MYO1D: variants seen among roughly 807,000 people sequenced by gnomAD.
MYO1D encodes unconventional myosin-Id.
In MYO1D, 83 loss-of-function variants were observed where a neutral mutation model predicts 122.0. The ratio of observed to expected loss-of-function variants is 0.68; its 90% CI spans 0.57 to 0.82. The LOEUF is 0.82. MYO1D is among the 40% of genes least tolerant of loss of function. MYO1D has a pLI of 0.00. For synonymous variants in MYO1D, 464 were observed against 446.9 expected, an observed-to-expected ratio of 1.04 and a Z score of -0.48; for missense variants, 1,157 against 1,269.5, an observed-to-expected ratio of 0.91 and a Z score of 1.35.
intron 19 of MYO1D, among the ~76,000 whole-genome samples, chr17:32,643,779 T>C (rs2088242501): frequency 6.6e-6 from 1 of 151,264 alleles, no homozygotes; most frequent in Admixed American, 6.6e-5. Context: ...CCCTTTATCA[T>C]TTTTTATTGT....
intron 1 of MYO1D, among the ~76,000 whole-genome samples, chr17:32,844,071 T>G (rs2151076182): frequency 6.6e-6 from 1 of 150,730 alleles, no homozygotes; most frequent in South Asian, 2.1e-4. Flanking sequence ...AATGATAACC[T>G]TATTAACAAA....
chr17:32,681,555 A>C lies in MYO1D; in HGVS notation c.2122-22217T>G, dbSNP rs2088917679. Among the ~76,000 whole-genome samples, 4 of 151,216 alleles carry C rather than the reference A, an allele frequency of 2.6e-5. No homozygotes were observed. The South Asian group carries it at 8.5e-4, about 32-fold the overall frequency. On this transcript the variant is annotated intron_variant, in intron 16 of 21. Coordinates refer to ENST00000318217, the MANE Select transcript of MYO1D (RefSeq NM_015194.3). ...AGGTTGTTCAGTTTCCATGTAGTTG[A>C]GCGGCTTTGAGTGGGATTCTTAATC...
At chr17:32,781,818 T>G (rs929262049) in intron 1 of MYO1D, among the ~76,000 whole-genome samples, 2 of 152,106 alleles carry the variant, frequency 1.3e-5, no homozygotes, top group East Asian at 1.9e-4. Context: ...TAAGAAAATT[T>G]TTAAATATAA....
intron 1 of MYO1D, among the ~76,000 whole-genome samples, chr17:32,846,771 G>C (rs1042256827): frequency 2.6e-5 from 4 of 152,128 alleles, no homozygotes; most frequent in African/African-American, 7.2e-5. Flanking sequence ...CTTGAGGCCA[G>C]GACTTTGAGA....
rs552110996 is a variant in MYO1D at position 32,783,344 on chromosome 17, T to C, written c.96-2560A>G. Among the ~76,000 whole-genome samples, 46 of 152,190 alleles carry C rather than the reference T, an allele frequency of 3.0e-4. 1 individual carries two copies. Among genetic ancestry groups the C allele is most frequent in the Non-Finnish European group, 5.7e-4 (39 of 68,030 alleles). Reference sequence around the variant, plus strand: ...AATAGACCATTATGCTCTAAAATAATATTTTATTACAAATAAAATATTTTC... The same window carrying C: ...AATAGACCATTATGCTCTAAAATAACATTTTATTACAAATAAAATATTTTC... On this transcript the variant is annotated intron_variant, in intron 1 of 21. Coordinates refer to ENST00000318217, the MANE Select transcript of MYO1D (RefSeq NM_015194.3).
chr17:32,547,931 A>C (rs225203), intron 21 of MYO1D, among the ~76,000 whole-genome samples: 100,073 of 150,966 alleles, frequency 0.66, 33,900 homozygotes, highest in African/African-American at 0.81. Flanking sequence ...GCCTGGGTGA[A>C]GGAGCAAGAC....
chr17:32,753,130 G>T (rs2089914636), intron 11 of MYO1D, among the ~76,000 whole-genome samples: 1 of 152,166 alleles, frequency 6.6e-6, no homozygotes, highest in South Asian at 2.1e-4. Context: ...GCAGCAACAG[G>T]GGTAGAGCTG....
chr17:32,553,115 CA>C (rs1237857478), intron 21 of MYO1D, among the ~76,000 whole-genome samples: 1 of 125,180 alleles, frequency 8.0e-6, no homozygotes, highest in African/African-American at 3.1e-5. Context: ...AAAAAAAAAA[CA>C]AAAAAACCAG....
intron 19 of MYO1D, among the ~76,000 whole-genome samples, chr17:32,650,521 G>A (rs997274894): frequency 9.9e-5 from 15 of 151,740 alleles, no homozygotes; most frequent in South Asian, 4.2e-4. Flanking sequence ...CAGAGACTTC[G>A]GCTGCACCTA....
chr17:32,769,688 T>A (rs182540207), intron 6 of MYO1D, among the ~76,000 whole-genome samples: 61 of 152,222 alleles, frequency 4.0e-4, no homozygotes, highest in African/African-American at 1.3e-3. Context: ...CCATTATCAA[T>A]AATCATTTCT....
intron 8 of MYO1D, among the ~76,000 whole-genome samples, chr17:32,761,480 T>C (rs12451336): frequency 0.43 from 66,101 of 151,994 alleles, 14,963 homozygotes; most frequent in East Asian, 0.73. Context: ...TTTCGGATAA[T>C]AGCCTTTCTG....
At chr17:32,823,863 C>G (rs1321953403) in intron 1 of MYO1D, among the ~76,000 whole-genome samples, 1 of 151,784 alleles carries the variant, frequency 6.6e-6, no homozygotes, top group African/African-American at 2.4e-5. Flanking sequence ...GTCAGGGGAT[C>G]GAGACCATCC....
chr17:32,697,384 G>A (rs185063553), intron 16 of MYO1D, among the ~76,000 whole-genome samples: 33 of 152,240 alleles, frequency 2.2e-4, no homozygotes, highest in East Asian at 1.4e-3. Flanking sequence ...TCAAAGGTAC[G>A]CTTTTGTTTC....
intron 4 of MYO1D, 69 bp from the exon 5 acceptor site, chr17:32,772,911 T>C: frequency 7.7e-7 from 1 of 1,300,650 alleles, no homozygotes; most frequent in Non-Finnish European, 1.1e-6. Context: ...AGCCACTTTC[T>C]TAGGGAACTG....
intron 16 of MYO1D, among the ~76,000 whole-genome samples, chr17:32,675,519 A>C (rs1202625987): frequency 6.6e-6 from 1 of 152,168 alleles, no homozygotes; most frequent in Non-Finnish European, 1.5e-5. Flanking sequence ...ATAACAATCA[A>C]GTCAGAACAC....
chr17:32,803,720 C>T (rs2090480860), intron 1 of MYO1D, among the ~76,000 whole-genome samples: 1 of 152,168 alleles, frequency 6.6e-6, no homozygotes, highest in African/African-American at 2.4e-5. Flanking sequence ...AAGGATCCTG[C>T]AGTCAATTCT....
At chr17:32,586,725 A>G (rs950880576) in intron 21 of MYO1D, among the ~76,000 whole-genome samples, 3 of 152,216 alleles carry the variant, frequency 2.0e-5, no homozygotes, top group African/African-American at 7.2e-5. Context: ...ATAATTACAT[A>G]TAATTTTTGC....
intron 1 of MYO1D, among the ~76,000 whole-genome samples, chr17:32,867,323 C>CAAA (rs754118023): frequency 5.4e-5 from 4 of 74,376 alleles, no homozygotes; most frequent in South Asian, 4.4e-4. Flanking sequence ...GAGACTGTCT[C>CAAA]AAAAAAAAAA....
chr17:32,494,785 A>T lies in MYO1D; in HGVS notation c.2995T>A (p.Phe999Ile). 6.2e-7 allele frequency: 1 copy of T among 1,610,516 alleles called. No homozygotes were observed. Among genetic ancestry groups the T allele is most frequent in the East Asian group, 2.2e-5 (1 of 44,656 alleles). Residue 999 changes from phenylalanine (F) to isoleucine (I), a missense_variant, in exon 22 of 22, where the codon TTC becomes ATC. Coordinates refer to ENST00000318217, the MANE Select transcript of MYO1D (RefSeq NM_015194.3). The part of the protein sequence containing the change: ...QPDFTKNRSG[F>I]ILSVPGN ...CAGTTCCCGGGCACGCTGAGGATGAAGCCCGAGCGATTCTTGGTGAAGTCG... is the reference window on the plus strand; with the variant it reads ...CAGTTCCCGGGCACGCTGAGGATGATGCCCGAGCGATTCTTGGTGAAGTCG...
Sources: allele counts gnomAD v4.1 joint callset (sites outside exome capture counted in the v4.1 genomes callset), GRCh38; gene constraint gnomAD v4.1.1; transcripts MANE v1.5; gene names NCBI Gene and HGNC (gene_info 2026-07-23, HGNC 2026-07-21).